The following MRTFB variants were observed in gnomAD, a reference collection of about 807,000 sequenced individuals.
MRTFB encodes the protein myocardin-related transcription factor B.
MRTFB carries 29 observed loss-of-function variants against 104.2 expected under a neutral mutation model. The observed-to-expected ratio is 0.28, with a 90% CI of 0.21 to 0.38. The LOEUF is 0.38. MRTFB is among the 10% of genes least tolerant of loss of function. MRTFB has a pLI of 1.00. For missense variants in MRTFB, 1,270 were observed against 1,341.6 expected (o/e 0.95, Z 0.83); for synonymous variants, 535 against 519.5 (o/e 1.03, Z -0.41).
intron 3 of MRTFB, among the ~76,000 whole-genome samples, chr16:14,209,571 A>G (rs1567462103): frequency 6.6e-6 from 1 of 152,170 alleles, no homozygotes. Flanking sequence ...AAATTTGGCA[A>G]ACTGGATGTC....
chr16:14,245,416 A>T, intron 10 of MRTFB, 112 bp from the exon 11 acceptor site: 1 of 875,576 alleles, frequency 1.1e-6, no homozygotes, highest in Non-Finnish European at 1.7e-6. Flanking sequence ...CAGCCTTCCA[A>T]TCCATAACCA....
intron 2 of MRTFB, among the ~76,000 whole-genome samples, chr16:14,100,657 T>G (rs1308673049): frequency 6.6e-6 from 1 of 152,226 alleles, no homozygotes; most frequent in Non-Finnish European, 1.5e-5. Context: ...TGGTATTACA[T>G]TTTTCCTTAA....
intron 2 of MRTFB, among the ~76,000 whole-genome samples, chr16:14,112,687 AGGCACTGGCCTG>A (rs1186484299): frequency 1.3e-5 from 2 of 152,200 alleles, no homozygotes; most frequent in African/African-American, 4.8e-5. Context: ...TTTCTGCTCC[AGGCACTGGCCTG>A]CTTGGTGTGT....
intron 2 of MRTFB, among the ~76,000 whole-genome samples, chr16:14,121,394 A>G (rs539429436): frequency 1.3e-5 from 2 of 152,318 alleles, no homozygotes; most frequent in East Asian, 3.9e-4. Context: ...GAGAATGAGT[A>G]ACATGACCTT....
intron 6 of MRTFB, among the ~76,000 whole-genome samples, 174 bp from the exon 7 acceptor site, chr16:14,216,952 A>T (rs1375656147): frequency 6.6e-6 from 1 of 152,262 alleles, no homozygotes; most frequent in Non-Finnish European, 1.5e-5. Context: ...AGAACTAAAA[A>T]ATACAAAATG....
chr16:14,042,421 G>C, the MRTFB span, among the ~76,000 whole-genome samples: 2 of 152,162 alleles, frequency 1.3e-5, no homozygotes, highest in Admixed American at 1.3e-4. Flanking sequence ...ACCGCACCTG[G>C]CCACTGGGTT....
chr16:14,010,292 G>T, the MRTFB span, among the ~76,000 whole-genome samples: 1 of 148,226 alleles, frequency 6.7e-6, no homozygotes, highest in East Asian at 1.9e-4. Context: ...TACATGGAGT[G>T]GATCTCAGTA....
intron 2 of MRTFB, among the ~76,000 whole-genome samples, chr16:14,091,678 C>A (rs1466023586): frequency 6.6e-6 from 1 of 152,024 alleles, no homozygotes; most frequent in African/African-American, 2.4e-5. Flanking sequence ...TCGAAACGAT[C>A]TGAGAATAAG....
the MRTFB span, among the ~76,000 whole-genome samples, chr16:14,041,691 T>G: frequency 1.3e-5 from 2 of 151,372 alleles, no homozygotes; most frequent in Non-Finnish European, 1.5e-5. Context: ...CTTTGGGAGG[T>G]CGGGGCGGGC....
chr16:14,184,186 C>G (rs1198216957), intron 3 of MRTFB, among the ~76,000 whole-genome samples: 1 of 150,856 alleles, frequency 6.6e-6, no homozygotes, highest in Admixed American at 6.6e-5. Context: ...TCCTGGCCAC[C>G]ACTTATGAGA....
intron 2 of MRTFB, among the ~76,000 whole-genome samples, chr16:14,096,893 C>G (rs2035407428): frequency 6.6e-6 from 1 of 152,316 alleles, no homozygotes; most frequent in Admixed American, 6.5e-5. Flanking sequence ...ATTCTTCTTG[C>G]TGTACATAGA....
At chr16:14,104,374 A>G (rs889914803) in intron 2 of MRTFB, among the ~76,000 whole-genome samples, 13 of 152,200 alleles carry the variant, frequency 8.5e-5, no homozygotes, top group African/African-American at 4.8e-5. Context: ...CCTGAAATTC[A>G]TGTTCTCCAC....
intron 3 of MRTFB, among the ~76,000 whole-genome samples, chr16:14,199,032 C>T (rs973293612): frequency 6.6e-6 from 1 of 152,118 alleles, no homozygotes; most frequent in Admixed American, 6.5e-5. Flanking sequence ...TCACTTTCTC[C>T]CTTGCTCTTC....
At position 14,200,942 on chromosome 16, in the gene MRTFB, G is replaced by A; in HGVS notation, c.155-9301G>A. On this transcript the variant is annotated intron_variant, in intron 3 of 16. Transcript: ENST00000571589. ...TTATATTTTGGAAAGCAGTTTTTAA[G>A]ACAAAACACTGGAGATGATCAGACT... is the stretch of plus-strand genomic sequence containing the variant. 3 of 1,440,264 alleles carry A rather than the reference G, an allele frequency of 2.1e-6. No homozygotes were observed. The South Asian group carries it at 3.4e-5, about 16-fold the overall frequency. The allele number at this position is 1,440,264 out of a possible 1,614,324, so 89.2% of individuals were successfully genotyped here.
chr16:14,155,191 T>C (rs973189238), intron 3 of MRTFB, among the ~76,000 whole-genome samples: 1 of 152,090 alleles, frequency 6.6e-6, no homozygotes, highest in Admixed American at 6.5e-5. Context: ...TTACAGTGCC[T>C]TATTAGATAT....
chr16:14,016,334 A>G, the MRTFB span, among the ~76,000 whole-genome samples: 1 of 151,740 alleles, frequency 6.6e-6, no homozygotes, highest in South Asian at 2.1e-4. Context: ...AAAAAAAATG[A>G]CATGGAACTT....
the MRTFB span, among the ~76,000 whole-genome samples, chr16:14,037,053 AC>A: frequency 6.6e-6 from 1 of 152,120 alleles, no homozygotes; most frequent in Admixed American, 6.5e-5. Context: ...AACAAGAAAA[AC>A]CATTGTTGAG....
At chr16:14,081,071 AC>A (rs760852915) in intron 2 of MRTFB, among the ~76,000 whole-genome samples, 86 of 151,746 alleles carry the variant, frequency 5.7e-4, no homozygotes, top group Admixed American at 1.0e-3. Context: ...TATTTCAGAA[AC>A]CCCCACACTG....
chr16:14,226,817 ATAAAAAT>A (rs1228904767), intron 8 of MRTFB, among the ~76,000 whole-genome samples: 2 of 152,018 alleles, frequency 1.3e-5, no homozygotes, highest in East Asian at 3.9e-4. Context: ...TCTACAAAAA[ATAAAAAT>A]TAAAAAAATT....
Sources: allele counts gnomAD v4.1 joint callset (sites outside exome capture counted in the v4.1 genomes callset), GRCh38; gene constraint gnomAD v4.1.1; transcripts MANE v1.5; gene names NCBI Gene and HGNC (gene_info 2026-07-23, HGNC 2026-07-21).